The following UVRAG variants were observed in gnomAD, a reference collection of about 807,000 sequenced individuals.
UVRAG encodes the protein UV radiation resistance associated, also known as UV radiation resistance-associated gene protein.
Under a neutral mutation model 78.0 loss-of-function variants are expected in UVRAG, and 19 were observed. The observed-to-expected ratio is 0.24, with a 90% CI of 0.17 to 0.36. The LOEUF (loss-of-function observed/expected upper bound fraction) is 0.36. Ranked by LOEUF, UVRAG falls within the 10% of genes least tolerant of loss-of-function variation. The pLI is 1.00. For synonymous variants in UVRAG, 323 were observed against 324.6 expected (o/e 1.00, Z 0.05); for missense variants, 740 against 853.8 (o/e 0.87, Z 1.66).
intron 12 of UVRAG, among the ~76,000 whole-genome samples, chr11:76,020,812 C>T (rs1950232923): frequency 6.6e-6 from 1 of 152,030 alleles, no homozygotes; most frequent in South Asian, 2.1e-4. Flanking sequence ...GTCTTCACAG[C>T]CTAGACTGTC....
rs1949870981 is a variant in UVRAG, at chr11:76,003,885, C to T, written c.827-120C>T. ...CTCCCCAAAAAATCTCTGTACTCAA[C>T]CCACTTTCCCTAACTCTTTTTATTT... is the stretch of plus-strand genomic sequence containing the variant. On this transcript the variant is annotated intron_variant, in intron 8 of 14. Transcript: ENST00000356136. The T allele has an allele frequency of 6.7e-6, 6 of 901,824 alleles. No homozygotes were observed. The South Asian group carries it at 8.6e-5, about 13-fold the overall frequency. 55.9% of individuals were successfully genotyped at this position (901,824 alleles called of 1,614,324 possible).
At chr11:75,923,347 G>T (rs1948019802) in intron 6 of UVRAG, among the ~76,000 whole-genome samples, 1 of 152,104 alleles carries the variant, frequency 6.6e-6, no homozygotes, top group East Asian at 1.9e-4. Flanking sequence ...TTTAGCAGTT[G>T]TGTTGTTGTT....
At chr11:76,078,428 G>T (rs1027714698) in intron 13 of UVRAG, among the ~76,000 whole-genome samples, 15 of 151,952 alleles carry the variant, frequency 9.9e-5, no homozygotes, top group African/African-American at 3.6e-4. Context: ...TAACTTTGTA[G>T]ATATTTCTGT....
At chr11:75,881,597 C>G (rs961711285) in intron 4 of UVRAG, among the ~76,000 whole-genome samples, 8 of 152,126 alleles carry the variant, frequency 5.3e-5, no homozygotes, top group African/African-American at 1.7e-4. Flanking sequence ...AGATGTTTTC[C>G]TTTCACATTG....
At chr11:75,936,909 C>T (rs901397766) in intron 6 of UVRAG, among the ~76,000 whole-genome samples, 8 of 152,070 alleles carry the variant, frequency 5.3e-5, no homozygotes, top group African/African-American at 1.7e-4. Context: ...CAGGCTTAGG[C>T]CACCATACCT....
chr11:76,039,373 G>A (rs886233255), intron 12 of UVRAG, among the ~76,000 whole-genome samples: 64 of 152,144 alleles, frequency 4.2e-4, no homozygotes, highest in African/African-American at 1.5e-3. Context: ...GCAAGCATTA[G>A]ACTTAATAGT....
chr11:75,993,585 C>T (rs1949652720), intron 8 of UVRAG, among the ~76,000 whole-genome samples: 1 of 152,064 alleles, frequency 6.6e-6, no homozygotes, highest in Admixed American at 6.6e-5. Context: ...TGACACAACC[C>T]CCAAATCTTT....
chr11:76,072,973 T>C (rs1200506213), intron 13 of UVRAG, among the ~76,000 whole-genome samples: 1 of 152,178 alleles, frequency 6.6e-6, no homozygotes, highest in Non-Finnish European at 1.5e-5. Flanking sequence ...TGTATTGACA[T>C]TTACATGATG....
chr11:76,027,050 A>G (rs1205821316), intron 12 of UVRAG, among the ~76,000 whole-genome samples: 6 of 152,076 alleles, frequency 3.9e-5, no homozygotes, highest in Non-Finnish European at 7.4e-5. Flanking sequence ...CATCTGATTG[A>G]ACCCTTCATT....
chr11:76,116,052 T>A (rs577050176), intron 14 of UVRAG, 37 bp downstream of exon 14: 1 of 1,585,414 alleles, frequency 6.3e-7, no homozygotes, highest in East Asian at 2.2e-5. Context: ...GAAACTGTAA[T>A]GTGGATAGGA....
At chr11:76,125,520 C>T (rs1351862544) in intron 14 of UVRAG, among the ~76,000 whole-genome samples, 1 of 148,658 alleles carries the variant, frequency 6.7e-6, no homozygotes, top group Non-Finnish European at 1.5e-5. Context: ...GCGGTTAACA[C>T]CCATTTCCAC....
intron 8 of UVRAG, among the ~76,000 whole-genome samples, chr11:75,999,250 A>AT (rs112371889): frequency 3.4e-5 from 5 of 147,404 alleles, no homozygotes; most frequent in Non-Finnish European, 6.0e-5. Flanking sequence ...AAAAAAAAAA[A>AT]AGTCAACTTT....
intron 1 of UVRAG, among the ~76,000 whole-genome samples, chr11:75,817,726 T>G (rs553956895): frequency 6.6e-6 from 1 of 152,142 alleles, no homozygotes; most frequent in African/African-American, 2.4e-5. Context: ...GGAACAGTTA[T>G]GTAAGTACTA....
At chr11:75,870,479 T>C (rs973667142) in intron 3 of UVRAG, among the ~76,000 whole-genome samples, 2 of 152,224 alleles carry the variant, frequency 1.3e-5, no homozygotes, top group African/African-American at 4.8e-5. Flanking sequence ...TTTTTCACTT[T>C]GAAAGGAGGT....
chr11:75,885,238 G>A (rs1415632855), intron 4 of UVRAG, among the ~76,000 whole-genome samples: 2 of 151,462 alleles, frequency 1.3e-5, no homozygotes, highest in Non-Finnish European at 3.0e-5. Flanking sequence ...CTTTTTTTTG[G>A]TAGATTTCTT....
chr11:75,857,882 C>T (rs1374058761), intron 2 of UVRAG, among the ~76,000 whole-genome samples: 2 of 151,518 alleles, frequency 1.3e-5, no homozygotes, highest in African/African-American at 4.9e-5. Flanking sequence ...ACTGACTAAC[C>T]CTTTTATAAA....
chr11:75,926,961 A>C (rs1252722495), intron 6 of UVRAG, among the ~76,000 whole-genome samples: 1 of 152,148 alleles, frequency 6.6e-6, no homozygotes, highest in Admixed American at 6.5e-5. Flanking sequence ...TATCTCATTT[A>C]ATCCTTAAAG....
At chr11:76,038,762 G>A (rs1380997973) in intron 12 of UVRAG, among the ~76,000 whole-genome samples, 1 of 152,200 alleles carries the variant, frequency 6.6e-6, no homozygotes, top group East Asian at 1.9e-4. Context: ...CCACAAGAAA[G>A]CAAACAGAAC....
chr11:76,076,589 G>T (rs1007878526), intron 13 of UVRAG, among the ~76,000 whole-genome samples: 2 of 151,996 alleles, frequency 1.3e-5, no homozygotes, highest in African/African-American at 4.8e-5. Flanking sequence ...ACAGCCAAAC[G>T]GTATCAGGTT....
Sources: allele counts gnomAD v4.1 joint callset (sites outside exome capture counted in the v4.1 genomes callset), GRCh38; gene constraint gnomAD v4.1.1; transcripts MANE v1.5; gene names NCBI Gene and HGNC (gene_info 2026-07-23, HGNC 2026-07-21).